Variants in CNTNAP5 observed in about 807,000 individuals in gnomAD.
The protein encoded by CNTNAP5 is contactin-associated protein-like 5.
A neutral mutation model predicts 150.2 loss-of-function variants in CNTNAP5; 72 were observed. The observed-to-expected ratio is 0.48, with a 90% confidence interval of 0.40 to 0.58. The LOEUF (loss-of-function observed/expected upper bound fraction) is 0.58. Among genes scored for constraint, CNTNAP5 ranks in the 20% least tolerant of loss-of-function variants. CNTNAP5 has a pLI of 0.00. For missense variants in CNTNAP5, 1,636 were observed against 1,626.2 expected (o/e 1.01, Z -0.10); for synonymous variants, 672 against 619.8 (o/e 1.08, Z -1.25).
intron 19 of CNTNAP5, among the ~76,000 whole-genome samples, chr2:124,856,118 A>C (rs1380221645): frequency 2.6e-5 from 4 of 151,474 alleles, no homozygotes; most frequent in East Asian, 1.9e-4. Context: ...GTGTGTATAA[A>C]AAAATAAAGA....
chr2:124,322,362 G>A (rs992158719), intron 3 of CNTNAP5, among the ~76,000 whole-genome samples: 1 of 152,028 alleles, frequency 6.6e-6, no homozygotes, highest in African/African-American at 2.4e-5. Flanking sequence ...TCCCAGCTCT[G>A]CCAGAAACCA....
rs34959025 is a variant in CNTNAP5 at position 124,747,788 on chromosome 2, C to CTT, written c.2234+431_2234+432dup. On this transcript the variant is annotated intron_variant, in intron 14 of 23. Transcript: ENST00000682447. ...GCACATGCCACCACTCCTAACTCTT[C>CTT]TTTTTTTTTTTTTTTTTTTTTTTTT... 9.3e-3 allele frequency among the ~76,000 whole-genome samples: 396 copies of CTT among 42,478 alleles called. 40 individuals are homozygous for CTT. The highest frequency in any genetic ancestry group is 0.012 in the Non-Finnish European group (255 of 22,120). The allele number at this position is 42,478 out of a possible 152,430, so 27.9% of individuals were successfully genotyped here. A position where few individuals can be genotyped will look rare whatever the true frequency, so the allele number is the denominator to read the frequency against.
chr2:124,125,158 C>T (rs1026813942), intron 1 of CNTNAP5, among the ~76,000 whole-genome samples: 4 of 152,210 alleles, frequency 2.6e-5, no homozygotes, highest in African/African-American at 7.2e-5. Flanking sequence ...GTGCTGTATT[C>T]AGGAGACCCC....
At chr2:124,486,696 T>C (rs377184506) in intron 7 of CNTNAP5, among the ~76,000 whole-genome samples, 6 of 152,180 alleles carry the variant, frequency 3.9e-5, no homozygotes, top group African/African-American at 1.4e-4. Flanking sequence ...GTCTCACAAA[T>C]GTATGAAGTC....
In CNTNAP5 at chr2:124,417,490, A is replaced by G. The variant is rs1203932787; in HGVS notation, c.429A>G (p.Leu143=). The G allele has an allele frequency of 6.2e-7, 1 of 1,613,900 alleles. No individual in the cohort carries two copies. Among genetic ancestry groups the G allele is most frequent in the Non-Finnish European group, 8.5e-7 (1 of 1,179,880 alleles). ...MNADSVVHHK[L]LHSVRARFVR... ...CTGACAGCGTGGTGCACCACAAGCT[A>G]TTGCACTCAGTGAGAGCCCGATTTG... Residue 143 remains leucine, a synonymous_variant, in exon 4 of 24, where the codon CTA becomes CTG. Coordinates refer to ENST00000682447, the MANE Select transcript of CNTNAP5 (RefSeq NM_001367498.1).
chr2:124,693,599 C>CTTAAA (rs1308898052), intron 13 of CNTNAP5, among the ~76,000 whole-genome samples: 1 of 152,004 alleles, frequency 6.6e-6, no homozygotes, highest in Non-Finnish European at 1.5e-5. Context: ...AAGTACTTTA[C>CTTAAA]ACGTGTTAGT....
chr2:124,562,949 A>G (rs562120147), intron 10 of CNTNAP5, among the ~76,000 whole-genome samples: 1 of 152,318 alleles, frequency 6.6e-6, no homozygotes, highest in South Asian at 2.1e-4. Context: ...GTCAACATGA[A>G]TTTGCCTCAA....
At chr2:124,543,419 G>T (rs575425216) in intron 10 of CNTNAP5, among the ~76,000 whole-genome samples, 1 of 152,270 alleles carries the variant, frequency 6.6e-6, no homozygotes, top group South Asian at 2.1e-4. Flanking sequence ...AATAAGATCT[G>T]CTGAGTGTAC....
intron 3 of CNTNAP5, among the ~76,000 whole-genome samples, chr2:124,339,103 C>T (rs776392871): frequency 7.2e-5 from 11 of 152,128 alleles, no homozygotes; most frequent in Admixed American, 5.9e-4. Flanking sequence ...CATTCAATCA[C>T]ACTGTAACTT....
In CNTNAP5 at chr2:124,658,864, G is replaced by A. The variant is rs149586503; in HGVS notation, c.2077+10906G>A. 4.3e-3 allele frequency among the ~76,000 whole-genome samples: 653 copies of A among 152,246 alleles called. 4 individuals carry two copies. Among genetic ancestry groups the A allele is most frequent in the African/African-American group, 0.015 (625 of 41,532 alleles). On this transcript the variant is annotated intron_variant, in intron 13 of 23. Transcript: ENST00000682447. ...TCTGCATAGGTGTTAGGCTATAATGGCACCTCTGAGCTTGCTTTTCAGGGG... is the reference window on the plus strand; with the variant it reads ...TCTGCATAGGTGTTAGGCTATAATGACACCTCTGAGCTTGCTTTTCAGGGG...
intron 1 of CNTNAP5, among the ~76,000 whole-genome samples, chr2:124,210,046 A>G (rs1407873137): frequency 6.6e-6 from 1 of 152,182 alleles, no homozygotes; most frequent in African/African-American, 2.4e-5. Flanking sequence ...GAAGGGATAT[A>G]TAGAAGCAAG....
chr2:124,171,191 G>T (rs17010976), intron 1 of CNTNAP5, among the ~76,000 whole-genome samples: 15,622 of 152,208 alleles, frequency 0.1, 941 homozygotes, highest in Middle Eastern at 0.2. Flanking sequence ...CAGATGTCCT[G>T]TTGGCTCTCC....
At chr2:124,633,605 GCCCTCTTC>G (rs1677909711) in intron 12 of CNTNAP5, among the ~76,000 whole-genome samples, 1 of 152,142 alleles carries the variant, frequency 6.6e-6, no homozygotes, top group African/African-American at 2.4e-5. Flanking sequence ...GAGGATGGTG[GCCCTCTTC>G]TCATAGCTCT....
chr2:124,845,404 G>A (rs1317474357), intron 19 of CNTNAP5, among the ~76,000 whole-genome samples: 3 of 148,470 alleles, frequency 2.0e-5, no homozygotes, highest in South Asian at 2.1e-4. Flanking sequence ...AAAAATTTTT[G>A]CATCTATGTT....
chr2:124,519,497 A>G (rs1263268455), intron 8 of CNTNAP5, among the ~76,000 whole-genome samples: 2 of 152,202 alleles, frequency 1.3e-5, no homozygotes, highest in Non-Finnish European at 2.9e-5. Context: ...TGATGAGCAA[A>G]AGGAGCTCAG....
intron 10 of CNTNAP5, among the ~76,000 whole-genome samples, chr2:124,551,098 G>A (rs1045478052): frequency 2.0e-5 from 3 of 152,058 alleles, no homozygotes; most frequent in Admixed American, 6.5e-5. Flanking sequence ...TCACTGGCCC[G>A]TGCAGGGAGA....
chr2:124,806,026 G>T (rs1015732539), intron 19 of CNTNAP5, among the ~76,000 whole-genome samples: 1 of 152,214 alleles, frequency 6.6e-6, no homozygotes, highest in Non-Finnish European at 1.5e-5. Context: ...ATCTTGTGGA[G>T]ACACAAACAT....
intron 10 of CNTNAP5, among the ~76,000 whole-genome samples, chr2:124,548,865 A>G (rs894716307): frequency 1.3e-5 from 2 of 152,226 alleles, no homozygotes; most frequent in African/African-American, 4.8e-5. Flanking sequence ...CAAATGTCAC[A>G]GAGCTAGAAA....
chr2:124,203,300 C>A (rs571078160), intron 1 of CNTNAP5, among the ~76,000 whole-genome samples: 5 of 152,288 alleles, frequency 3.3e-5, no homozygotes, highest in South Asian at 2.1e-4. Context: ...TCTTTGGCAG[C>A]TCCACCCCTT....
Sources: allele counts gnomAD v4.1 joint callset (sites outside exome capture counted in the v4.1 genomes callset), GRCh38; gene constraint gnomAD v4.1.1; transcripts MANE v1.5; gene names NCBI Gene and HGNC (gene_info 2026-07-23, HGNC 2026-07-21).